Variants in EML4 observed in about 807,000 individuals in gnomAD.
The protein encoded by EML4 is EMAP like 4, also known as echinoderm microtubule-associated protein-like 4.
In EML4, 72 loss-of-function variants were observed where a neutral mutation model predicts 129.0. The observed-to-expected ratio is 0.56, with a 90% CI of 0.46 to 0.68. The LOEUF (loss-of-function observed/expected upper bound fraction) is 0.68. Among genes scored for constraint, EML4 ranks in the 30% least tolerant of loss-of-function variants. The pLI is 0.00. For missense variants in EML4, 1,363 were observed against 1,190.6 expected, an observed-to-expected ratio of 1.14 and a Z score of -2.13; for synonymous variants, 532 against 405.0, an observed-to-expected ratio of 1.31 and a Z score of -3.77.
At chr2:42,256,385 A>C in intron 2 of EML4, 116 bp from the exon 3 acceptor site, 1 of 963,252 alleles carries the variant, frequency 1.0e-6, no homozygotes, top group Non-Finnish European at 1.5e-6. Context: ...ATAAACAATA[A>C]TATACTTAAT....
At chr2:42,294,116 AATT>A (rs905769520) in intron 11 of EML4, among the ~76,000 whole-genome samples, 11 of 152,344 alleles carry the variant, frequency 7.2e-5, no homozygotes, top group African/African-American at 2.4e-4. Flanking sequence ...GATTTACTGA[AATT>A]ATAGAAATAC....
In EML4 at chr2:42,253,762, C is replaced by G. The variant is rs115050278; in HGVS notation, c.209-2739C>G. Among the ~76,000 whole-genome samples the G allele has an allele frequency of 3.6e-3, 551 of 152,236 alleles. 3 individuals are homozygous for G. Among genetic ancestry groups the G allele is most frequent in the African/African-American group, 0.012 (515 of 41,536 alleles). The stretch of plus-strand genomic sequence containing the variant: ...AACAAAAATACCTTGACTCTCACCT[C>G]ACGCCATAAACAAAAATTAAGCAAG... On this transcript the variant is annotated intron_variant, in intron 2 of 22. Transcript: ENST00000318522.
intron 1 of EML4, among the ~76,000 whole-genome samples, chr2:42,244,078 TTTG>T (rs1558534081): frequency 4.3e-5 from 3 of 69,960 alleles, no homozygotes; most frequent in African/African-American, 1.2e-4. Context: ...TTTTTTGTTT[TTTG>T]TTTTTTGTTT....
chr2:42,311,210 T>A (rs559824230), intron 17 of EML4, among the ~76,000 whole-genome samples: 1 of 152,238 alleles, frequency 6.6e-6, no homozygotes, highest in African/African-American at 2.4e-5. Context: ...AATTACATAG[T>A]TTTCCTAGGA....
At chr2:42,319,989 A>G (rs1388804247) in intron 19 of EML4, 1 of 152,236 alleles carries the variant, frequency 6.6e-6, no homozygotes, top group Non-Finnish European at 1.5e-5. Flanking sequence ...AGTAAATCTT[A>G]TAACTTACAA....
At chr2:42,172,200 A>G (rs1265870802) in intron 1 of EML4, among the ~76,000 whole-genome samples, 2 of 152,168 alleles carry the variant, frequency 1.3e-5, no homozygotes, top group Non-Finnish European at 2.9e-5. Flanking sequence ...AAAAAACTAC[A>G]TTTTTATAAG....
chr2:42,288,312 C>T lies in EML4; in HGVS notation c.1208C>T (p.Ala403Val). ...VWDWQKKAKG[A>V]EIKTTNEVVL... ...GACTGGCAGAAGAAAGCAAAAGGAG[C>T]AGAAATAAAGGTAAATTTTTAAAAA... is the stretch of plus-strand genomic sequence containing the variant. Residue 403 changes from alanine to valine, a missense_variant, in exon 11 of 23, where the codon GCA becomes GTA. Transcript: ENST00000318522. The T allele has an allele frequency of 6.5e-7, 1 of 1,540,278 alleles. No individual in the cohort carries two copies. Among genetic ancestry groups the T allele is most frequent in the Non-Finnish European group, 8.9e-7 (1 of 1,120,984 alleles).
intron 19 of EML4, among the ~76,000 whole-genome samples, chr2:42,318,865 C>T (rs868188784): frequency 6.6e-6 from 1 of 152,034 alleles, no homozygotes; most frequent in African/African-American, 2.4e-5. Flanking sequence ...CCACCTTGCC[C>T]GGCTCACTTT....
At chr2:42,235,569 T>G (rs571492004) in intron 1 of EML4, among the ~76,000 whole-genome samples, 1 of 152,344 alleles carries the variant, frequency 6.6e-6, no homozygotes, top group African/African-American at 2.4e-5. Flanking sequence ...TCTTCTGCCA[T>G]TACCATTCTA....
At chr2:42,206,676 A>G (rs928718474) in intron 1 of EML4, among the ~76,000 whole-genome samples, 1 of 152,094 alleles carries the variant, frequency 6.6e-6, no homozygotes, top group Non-Finnish European at 1.5e-5. Context: ...GTTTTGTCTG[A>G]TATTTCTTCA....
chr2:42,265,442 G>A (rs924823688), intron 6 of EML4, among the ~76,000 whole-genome samples: 2 of 152,174 alleles, frequency 1.3e-5, no homozygotes, highest in African/African-American at 4.8e-5. Context: ...GTTTCACCGT[G>A]TTGGCCAGGC....
At chr2:42,281,619 TAATTAATAACCC>T (rs1242247893) in intron 7 of EML4, among the ~76,000 whole-genome samples, 1 of 152,208 alleles carries the variant, frequency 6.6e-6, no homozygotes, top group Non-Finnish European at 1.5e-5. Flanking sequence ...TAAAAGGGGT[TAATTAATAACCC>T]ATACCTCACA....
intron 1 of EML4, among the ~76,000 whole-genome samples, chr2:42,220,503 G>A (rs551570793): frequency 5.3e-5 from 8 of 152,226 alleles, no homozygotes; most frequent in Non-Finnish European, 8.8e-5. Flanking sequence ...AATGTTGTGT[G>A]TTCTGACTGC....
chr2:42,190,912 A>G (rs1312089126), intron 1 of EML4, among the ~76,000 whole-genome samples: 1 of 152,238 alleles, frequency 6.6e-6, no homozygotes, highest in African/African-American at 2.4e-5. Flanking sequence ...CAAACATTGA[A>G]AAATGCAAAA....
chr2:42,282,822 G>C lies in EML4; in HGVS notation c.792-1G>C. 1 of 1,609,796 alleles carries C rather than the reference G, an allele frequency of 6.2e-7. No homozygotes were observed. The highest frequency in any genetic ancestry group is 8.5e-7 in the Non-Finnish European group (1 of 1,178,462). On this transcript the variant is annotated splice_acceptor_variant, in intron 7 of 22. Transcript: ENST00000318522. LOFTEE classifies it high-confidence loss of function. Reference sequence around the variant, plus strand: ...AAAACCTTGACTCTTTTTCTGTTAAGATATGGTTATCGAGGAAAGGACTGT... The same window carrying C: ...AAAACCTTGACTCTTTTTCTGTTAACATATGGTTATCGAGGAAAGGACTGT...
intron 14 of EML4, among the ~76,000 whole-genome samples, chr2:42,301,856 A>G (rs1668305299): frequency 6.6e-6 from 1 of 152,148 alleles, no homozygotes; most frequent in South Asian, 2.1e-4. Context: ...CATACTGAAA[A>G]TGCAACTTCC....
rs1005961437 is a variant in EML4 at position 42,256,900 on chromosome 2, A to T, written c.338+270A>T. 2.0e-5 allele frequency among the ~76,000 whole-genome samples: 3 copies of T among 152,220 alleles called. No individual in the cohort carries two copies. In the East Asian group the frequency reaches 5.8e-4, roughly 29 times the overall value. On this transcript the variant is annotated intron_variant, in intron 3 of 22. Transcript: ENST00000318522. ...GGTTTTGTTTTGTTTCTTTGTAACA[A>T]GTATTTATTGAAAGCATCACTATAT...
At chr2:42,286,191 A>G in intron 9 of EML4, 78 bp from the exon 10 acceptor site, 1 of 834,726 alleles carries the variant, frequency 1.2e-6, no homozygotes, top group Non-Finnish European at 2.1e-6. Flanking sequence ...ACTTTTTTAA[A>G]TGGCATTAGT....
chr2:42,317,544 A>G lies in EML4; in HGVS notation c.2154+20A>G. The G allele has an allele frequency of 6.5e-7, 1 of 1,528,706 alleles. No individual in the cohort carries two copies. The highest frequency in any genetic ancestry group is 8.9e-7 in the Non-Finnish European group (1 of 1,121,512). The allele number at this position is 1,528,706 out of a possible 1,614,324, so 94.7% of individuals were successfully genotyped here. The stretch of plus-strand genomic sequence containing the variant: ...TGCACTGTAAGTAGTGAAGTAGAAC[A>G]AGTTGTAAAATTATTGGGAAATTTT... On this transcript the variant is annotated intron_variant, in intron 19 of 22. Coordinates refer to ENST00000318522, the MANE Select transcript of EML4 (RefSeq NM_019063.5).
Sources: allele counts gnomAD v4.1 joint callset (sites outside exome capture counted in the v4.1 genomes callset), GRCh38; gene constraint gnomAD v4.1.1; transcripts MANE v1.5; gene names NCBI Gene and HGNC (gene_info 2026-07-23, HGNC 2026-07-21).